The following CELSR1 variants were observed in gnomAD, a reference collection of about 807,000 sequenced individuals.
The protein encoded by CELSR1 is adhesion G protein-coupled receptor C1.
Under a neutral mutation model 249.1 loss-of-function variants are expected in CELSR1, and 110 were observed. The ratio of observed to expected loss-of-function variants is 0.44; its 90% CI spans 0.38 to 0.52. The LOEUF is 0.52. Among genes scored for constraint, CELSR1 ranks in the 20% least tolerant of loss-of-function variants. The probability of loss-of-function intolerance (pLI) is 0.00; values close to 1 mark genes in which losing one functional copy is unlikely to be tolerated. For missense variants in CELSR1, 4,109 were observed against 4,296.4 expected (o/e 0.96, Z 1.22); for synonymous variants, 2,113 against 1,900.0 (o/e 1.11, Z -2.92).
At chr22:46,514,075 G>A (rs975989019) in intron 1 of CELSR1, among the ~76,000 whole-genome samples, 2 of 152,018 alleles carry the variant, frequency 1.3e-5, no homozygotes, top group African/African-American at 4.8e-5. Flanking sequence ...TTACAGGCAC[G>A]AGCCACCGCA....
Position 46,399,812 on chromosome 22 carries a change from C to T in CELSR1, c.5317G>A (p.Glu1773Lys), listed in dbSNP as rs1417553337. ...MLSGLRVTDG[E>K]WHHLLIELKN... ...AGCTCGATCAGCAGGTGGTGCCACT[C>T]CCCGTCGGTCACCCGCAACCCGGAC... Residue 1773 changes from glutamate (E) to lysine (K), a missense_variant, in exon 10 of 35, where the codon GAG becomes AAG. Around this residue, in one of 7 missense-constraint regions of CELSR1, gnomAD observed 1,805 missense variants for 1,831.6 expected, o/e 0.99. Transcript: ENST00000674500. The surrounding 1 kb of genome is among the most constrained non-coding windows in gnomAD (Gnocchi z 5.0). 1 of 1,614,168 alleles carries T rather than the reference C, an allele frequency of 6.2e-7. No homozygotes were observed. The highest frequency in any genetic ancestry group is 8.5e-7 in the Non-Finnish European group (1 of 1,180,000).
rs577095706 is a variant in CELSR1, at chr22:46,484,941, G to A, written c.3545-20596C>T. Reference sequence around the variant, plus strand: ...CATTGAAACTGCTGAGAACAGAAAAGCTGAGATTTCGTTTTTCTAGTTAAA... The same window carrying A: ...CATTGAAACTGCTGAGAACAGAAAAACTGAGATTTCGTTTTTCTAGTTAAA... On this transcript the variant is annotated intron_variant, in intron 1 of 34. Transcript: ENST00000674500. This position sits in a 1 kb window ranked among gnomAD's most constrained non-coding sequence, Gnocchi z 4.5. 2.7e-4 allele frequency among the ~76,000 whole-genome samples: 41 copies of A among 151,812 alleles called. No homozygotes were observed. The highest frequency in any genetic ancestry group is 8.0e-4 in the African/African-American group (33 of 41,404).
At chr22:46,397,886 G>T in intron 11 of CELSR1, 38 bp from the exon 12 acceptor site, 1 of 1,474,112 alleles carries the variant, frequency 6.8e-7, no homozygotes. Context: ...ACAGGAGCCC[G>T]GAAAGGTATG....
At chr22:46,382,945 T>G (rs1341206010) in intron 20 of CELSR1, among the ~76,000 whole-genome samples, 1 of 152,138 alleles carries the variant, frequency 6.6e-6, no homozygotes, top group Non-Finnish European at 1.5e-5. Flanking sequence ...TGGAAAGAGT[T>G]CTGGAGATGG....
intron 24 of CELSR1, among the ~76,000 whole-genome samples, chr22:46,375,537 CTCTT>C (rs1198451810): frequency 5.5e-5 from 8 of 146,162 alleles, no homozygotes; most frequent in African/African-American, 1.6e-4. Context: ...TGCTGCCAGG[CTCTT>C]TTTTTTTTTT....
chr22:46,485,968 C>T (rs145306128), intron 1 of CELSR1, among the ~76,000 whole-genome samples: 15,173 of 132,672 alleles, frequency 0.11, 1,343 homozygotes, highest in Middle Eastern at 0.25. Context: ...GACTGAGTCT[C>T]GCTTTGTCGC....
intron 2 of CELSR1, among the ~76,000 whole-genome samples, chr22:46,456,321 G>T (rs934124193): frequency 6.6e-6 from 1 of 152,194 alleles, no homozygotes; most frequent in Non-Finnish European, 1.5e-5. Context: ...GGATGAGTGC[G>T]TCAGCAGATC....
chr22:46,489,245 C>T (rs1185986331), intron 1 of CELSR1, among the ~76,000 whole-genome samples: 2 of 151,902 alleles, frequency 1.3e-5, no homozygotes, highest in African/African-American at 4.8e-5. Flanking sequence ...TCAAAACTAC[C>T]AGCTGGTCAT....
At position 46,393,154 on chromosome 22, in the gene CELSR1, C is replaced by T. The variant is rs1411529627; in HGVS notation, c.5964+988G>A. On this transcript the variant is annotated intron_variant, in intron 14 of 34. Transcript: ENST00000674500. This position sits in a 1 kb window ranked among gnomAD's most constrained non-coding sequence, Gnocchi z 4.1. Reference sequence around the variant, plus strand: ...ATCTGCAGGAAGCTCACGTCCCTCGCCCAGGCTCCTGTTACCCTCAGACCT... The same window carrying T: ...ATCTGCAGGAAGCTCACGTCCCTCGTCCAGGCTCCTGTTACCCTCAGACCT... Among the ~76,000 whole-genome samples the T allele has an allele frequency of 6.6e-6, 1 of 152,208 alleles. No individual in the cohort carries two copies. The highest frequency in any genetic ancestry group is 6.5e-5 in the Admixed American group (1 of 15,284).
chr22:46,364,097 G>C lies in CELSR1; in HGVS notation c.8934C>G (p.Ile2978Met). The C allele has an allele frequency of 6.2e-7, 1 of 1,612,362 alleles. No homozygotes were observed. The highest frequency in any genetic ancestry group is 8.5e-7 in the Non-Finnish European group (1 of 1,179,680). The stretch of plus-strand genomic sequence containing the variant: ...GCTCCCTCCCAGGGCTCTTGACTGT[G>C]ATGGCGCAGTCGGGGCCGCCAGAGC... Reference protein sequence around the residue: ...SLGSGGPDCAITVKSPGREPG... With the variant: ...SLGSGGPDCAMTVKSPGREPG... The change falls in exon 34 of 35, where the codon ATC becomes ATG. Residue 2978 changes from isoleucine (I) to methionine (M), a missense_variant. Ile to Met is a conservative substitution (Grantham distance 10). Around this residue, in one of 7 missense-constraint regions of CELSR1, gnomAD observed 1,805 missense variants for 1,831.6 expected, o/e 0.99. Transcript: ENST00000674500.
chr22:46,503,820 C>T (rs1307052108), intron 1 of CELSR1, among the ~76,000 whole-genome samples: 1 of 151,734 alleles, frequency 6.6e-6, no homozygotes, highest in African/African-American at 2.4e-5. Context: ...TGCTTAAGGC[C>T]AGGAGTTTGA....
Position 46,535,668 on chromosome 22 carries a change from C to T in CELSR1, c.1503G>A (p.Gly501=). The T allele has an allele frequency of 1.9e-6, 3 of 1,613,248 alleles. No individual in the cohort carries two copies. Among genetic ancestry groups the T allele is most frequent in the Non-Finnish European group, 2.5e-6 (3 of 1,180,034 alleles). ...GCAGGTAGAACTGGCCGGCCACGTTCCCGCTGAGGATGCTGTAGTGAATGG... is the reference window on the plus strand; with the variant it reads ...GCAGGTAGAACTGGCCGGCCACGTTTCCGCTGAGGATGCTGTAGTGAATGG... ...NAAIHYSILS[G]NVAGQFYLHS... Residue 501 remains glycine, a synonymous_variant, in exon 1 of 35, where the codon GGG becomes GGA. Coordinates refer to ENST00000674500, the MANE Select transcript of CELSR1 (RefSeq NM_001378328.1).
intron 22 of CELSR1, among the ~76,000 whole-genome samples, chr22:46,379,354 A>G (rs2078952851): frequency 6.6e-6 from 1 of 151,386 alleles, no homozygotes; most frequent in African/African-American, 2.5e-5. Flanking sequence ...GGGAAAAATC[A>G]CATAACCTCT....
chr22:46,471,168 A>G lies in CELSR1; in HGVS notation c.3545-6823T>C, dbSNP rs974700435. On this transcript the variant is annotated intron_variant, in intron 1 of 34. Transcript: ENST00000674500. The surrounding 1 kb of genome is among the most constrained non-coding windows in gnomAD (Gnocchi z 4.9). The stretch of plus-strand genomic sequence containing the variant: ...AAGGAAGGAGTTACTCTTTCACACA[A>G]AACAAAACAAAAAAAATGTTTCTAC... 1.3e-5 allele frequency among the ~76,000 whole-genome samples: 2 copies of G among 152,078 alleles called. No homozygotes were observed. Among genetic ancestry groups the G allele is most frequent in the Non-Finnish European group, 2.9e-5 (2 of 68,014 alleles).
chr22:46,516,208 A>T (rs570393242), intron 1 of CELSR1, among the ~76,000 whole-genome samples: 1 of 152,334 alleles, frequency 6.6e-6, no homozygotes, highest in African/African-American at 2.4e-5. Context: ...GAACCAACCC[A>T]AATGTCCACC....
chr22:46,436,069 G>A lies in CELSR1; in HGVS notation c.4522+105C>T, dbSNP rs1348750337. ...CTTCCTAGACCTACAAGTGAGGGAT[G>A]AAAGGGTAAGCAGCTTGGAGGCGCT... On this transcript the variant is annotated intron_variant, in intron 4 of 34. Coordinates refer to ENST00000674500, the MANE Select transcript of CELSR1 (RefSeq NM_001378328.1). This position sits in a 1 kb window ranked among gnomAD's most constrained non-coding sequence, Gnocchi z 5.9. The A allele has an allele frequency of 2.5e-6, 2 of 803,314 alleles. No individual in the cohort carries two copies. The highest frequency in any genetic ancestry group is 1.7e-5 in the African/African-American group (1 of 58,638). The allele number at this position is 803,314 out of a possible 1,614,324, so 49.8% of individuals were successfully genotyped here.
Position 46,506,034 on chromosome 22 carries a change from C to G in CELSR1, c.3544+27593G>C, listed in dbSNP as rs1316145995. Among the ~76,000 whole-genome samples the G allele has an allele frequency of 6.6e-6, 1 of 151,846 alleles. No individual in the cohort carries two copies. The highest frequency in any genetic ancestry group is 6.6e-5 in the Admixed American group (1 of 15,244). The stretch of plus-strand genomic sequence containing the variant: ...TCTCTACTAAAAATACAAAAATTAG[C>G]AGGGCATGGTGGCAGGCACCTGTAA... On this transcript the variant is annotated intron_variant, in intron 1 of 34. Coordinates refer to ENST00000674500, the MANE Select transcript of CELSR1 (RefSeq NM_001378328.1). The surrounding 1 kb of genome is among the most constrained non-coding windows in gnomAD (Gnocchi z 4.1).
In CELSR1 at chr22:46,411,265, A is replaced by C. The variant is rs549688774; in HGVS notation, c.4769+337T>G. Among the ~76,000 whole-genome samples, 1 of 152,310 alleles carries C rather than the reference A, an allele frequency of 6.6e-6. No homozygotes were observed. The highest frequency in any genetic ancestry group is 2.1e-4 in the South Asian group (1 of 4,824). On this transcript the variant is annotated intron_variant, in intron 6 of 34. Transcript: ENST00000674500. The surrounding 1 kb of genome is among the most constrained non-coding windows in gnomAD (Gnocchi z 4.2). ...GACCAGCTGGCTGACACAGTGCTTC[A>C]CTTAACAGAGTCCTGGAGTCCCAGG...
chr22:46,511,342 C>G (rs905688627), intron 1 of CELSR1, among the ~76,000 whole-genome samples: 1 of 152,214 alleles, frequency 6.6e-6, no homozygotes, highest in East Asian at 1.9e-4. Context: ...GTCTACACAG[C>G]TGGCTGCTCA....
Sources: allele counts gnomAD v4.1 joint callset (sites outside exome capture counted in the v4.1 genomes callset), GRCh38; gene constraint gnomAD v4.1.1; regional missense constraint gnomAD v4.1.1; non-coding constraint Gnocchi (gnomAD v3.1); transcripts MANE v1.5; gene names NCBI Gene and HGNC (gene_info 2026-07-23, HGNC 2026-07-21).